TENM1: variants seen among roughly 807,000 people sequenced by gnomAD.
TENM1 encodes teneurin transmembrane protein 1.
A neutral mutation model predicts 174.8 loss-of-function variants in TENM1; 35 were observed. That is an observed-to-expected ratio of 0.20 (90% CI 0.15 to 0.27). The LOEUF (loss-of-function observed/expected upper bound fraction) is 0.27. Ranked by LOEUF, TENM1 falls within the 10% of genes least tolerant of loss-of-function variation. The pLI is 1.00. For missense variants in TENM1, 1,633 were observed against 2,130.1 expected (o/e 0.77, Z 4.59); for synonymous variants, 781 against 798.7 (o/e 0.98, Z 0.37).
At chrX:124,440,229 G>C (rs1174865822) in intron 23 of TENM1, among the ~76,000 whole-genome samples, 3 of 112,039 alleles carry the variant, frequency 2.7e-5, no homozygotes, top group Non-Finnish European at 5.6e-5. Flanking sequence ...TTAAATTAGA[G>C]ACTGACAACT....
chrX:124,533,333 T>A (rs2048145354), intron 15 of TENM1, among the ~76,000 whole-genome samples: 1 of 112,067 alleles, frequency 8.9e-6, no homozygotes, highest in South Asian at 3.7e-4. Context: ...ATATAAACTA[T>A]TTTGATTATG....
At chrX:124,961,063 T>C (rs905228282) in intron 1 of TENM1, among the ~76,000 whole-genome samples, 1 of 112,305 alleles carries the variant, frequency 8.9e-6, no homozygotes, top group Non-Finnish European at 1.9e-5. Context: ...ATGAATATCT[T>C]AAATTTTGGC....
chrX:124,408,067 C>T (rs1446011144), intron 25 of TENM1, among the ~76,000 whole-genome samples: 3 of 111,451 alleles, frequency 2.7e-5, no homozygotes, highest in Non-Finnish European at 5.7e-5. Context: ...GCTCGAATAC[C>T]CACTTTAGCC....
the TENM1 span, among the ~76,000 whole-genome samples, chrX:125,009,116 A>G: frequency 4.1e-5 from 3 of 72,726 alleles, no homozygotes; most frequent in East Asian, 1.2e-3. Flanking sequence ...TTTTTTCCGG[A>G]AAAAAAAAAA....
the TENM1 span, among the ~76,000 whole-genome samples, chrX:125,035,148 T>C: frequency 9.0e-6 from 1 of 111,501 alleles, no homozygotes; most frequent in Non-Finnish European, 1.9e-5. Context: ...TTACTAGAAA[T>C]GGTATACCTA....
the TENM1 span, among the ~76,000 whole-genome samples, chrX:125,076,663 A>G: frequency 2.7e-5 from 3 of 111,169 alleles, no homozygotes; most frequent in East Asian, 8.6e-4. Context: ...ATTACTTGCC[A>G]CTCTTGAATC....
intron 11 of TENM1, among the ~76,000 whole-genome samples, chrX:124,581,759 C>A (rs1317625214): frequency 9.0e-6 from 1 of 111,579 alleles, no homozygotes; most frequent in African/African-American, 3.3e-5. Context: ...TGGTATCTCA[C>A]TGTGGTTTTG....
intron 11 of TENM1, among the ~76,000 whole-genome samples, chrX:124,589,866 C>T (rs768753975): frequency 4.5e-5 from 5 of 111,068 alleles, no homozygotes; most frequent in Non-Finnish European, 9.4e-5. Context: ...AAATAACTAA[C>T]TTTTGGTTTT....
intron 3 of TENM1, among the ~76,000 whole-genome samples, chrX:124,819,492 T>G (rs990632189): frequency 1.8e-5 from 2 of 111,212 alleles, no homozygotes; most frequent in African/African-American, 3.3e-5. Flanking sequence ...TCATACGGTC[T>G]CAGTGGTGTG....
chrX:124,804,830 T>A (rs1312135353), intron 3 of TENM1, among the ~76,000 whole-genome samples: 1 of 112,054 alleles, frequency 8.9e-6, no homozygotes, highest in Non-Finnish European at 1.9e-5. Flanking sequence ...GTGCTTGGTA[T>A]CCTCAGTGTT....
At chrX:125,129,262 C>G in the TENM1 span, among the ~76,000 whole-genome samples, 1 of 111,847 alleles carries the variant, frequency 8.9e-6, no homozygotes, top group African/African-American at 3.2e-5. Context: ...GCAACCTGAG[C>G]TAAGACAGCG....
At chrX:124,637,066 T>C (rs984855350) in intron 11 of TENM1, among the ~76,000 whole-genome samples, 2 of 110,785 alleles carry the variant, frequency 1.8e-5, no homozygotes, top group Admixed American at 9.6e-5. Context: ...AAGTGCTATT[T>C]TCTTTTTTCT....
At chrX:124,530,421 C>A (rs960173719) in intron 15 of TENM1, among the ~76,000 whole-genome samples, 1 of 110,491 alleles carries the variant, frequency 9.1e-6, no homozygotes, top group Admixed American at 9.7e-5. Context: ...TTTCTCTTAT[C>A]AAAATTAAAG....
chrX:124,918,437 C>G lies in TENM1; in HGVS notation c.218-22196G>C, dbSNP rs2057964372. On this transcript the variant is annotated intron_variant, in intron 1 of 31. Coordinates refer to ENST00000422452, the Ensembl canonical transcript of TENM1. The stretch of plus-strand genomic sequence containing the variant: ...TCAGGTGATCCACCTGCCTTGGCCT[C>G]CCATAGTGTTGGGATTACAGGCTTG... 3.6e-5 allele frequency among the ~76,000 whole-genome samples: 4 copies of G among 110,675 alleles called. No individual in the cohort carries two copies. The South Asian group carries it at 1.5e-3, about 43-fold the overall frequency.
chrX:124,822,546 A>G (rs1302947441), intron 3 of TENM1, among the ~76,000 whole-genome samples: 1 of 111,893 alleles, frequency 8.9e-6, no homozygotes, highest in Admixed American at 9.5e-5. Context: ...TCAAGCTTCC[A>G]CTGCACTTGA....
the TENM1 span, among the ~76,000 whole-genome samples, chrX:124,977,098 AT>A: frequency 9.0e-6 from 1 of 111,643 alleles, no homozygotes; most frequent in Non-Finnish European, 1.9e-5. Context: ...GCTTGGGCCC[AT>A]TGTGTCACGT....
chrX:125,183,024 C>A, the TENM1 span, among the ~76,000 whole-genome samples: 1 of 111,888 alleles, frequency 8.9e-6, no homozygotes, highest in African/African-American at 3.2e-5. Context: ...CTCCCCTAAA[C>A]CAAATGAATT....
chrX:125,156,285 G>A, the TENM1 span, among the ~76,000 whole-genome samples: 2 of 111,507 alleles, frequency 1.8e-5, no homozygotes, highest in African/African-American at 6.5e-5. Context: ...TGGGTTCAGG[G>A]GTACCTGTGT....
chrX:124,389,910 G>T (rs1342205919), intron 28 of TENM1, among the ~76,000 whole-genome samples: 1 of 111,860 alleles, frequency 8.9e-6, no homozygotes, highest in Non-Finnish European at 1.9e-5. Context: ...GCTTAAATCA[G>T]TAGCTACCCT....
Sources: gnomAD v4.1 joint callset for allele counts (sites outside exome capture counted in the v4.1 genomes callset) on GRCh38, gnomAD v4.1.1 for gene constraint, MANE v1.5 for transcripts, NCBI Gene and HGNC (gene_info 2026-07-23, HGNC 2026-07-21) for gene names.